The following FOXP2 variants were observed in gnomAD, a reference collection of about 807,000 sequenced individuals.
The protein encoded by FOXP2 is forkhead box P2.
FOXP2 carries 12 observed loss-of-function variants against 115.8 expected under a neutral mutation model. That is an observed-to-expected ratio of 0.10 (90% CI 0.07 to 0.17). The LOEUF is 0.17. Ranked by LOEUF, FOXP2 falls within the 10% of genes least tolerant of loss-of-function variation. FOXP2 has a pLI of 1.00. For missense variants in FOXP2, 629 were observed against 843.5 expected, an observed-to-expected ratio of 0.75 and a Z score of 3.15; for synonymous variants, 328 against 297.7, an observed-to-expected ratio of 1.10 and a Z score of -1.05.
intron 1 of FOXP2, among the ~76,000 whole-genome samples, chr7:114,168,688 T>C (rs545556293): frequency 9.8e-5 from 15 of 152,310 alleles, no homozygotes; most frequent in Admixed American, 4.6e-4. Context: ...CAAATTTGCA[T>C]ACATAATGAG....
At chr7:114,409,869 G>C (rs975649077), upstream of FOXP2, among the ~76,000 whole-genome samples, 2 of 151,794 alleles carry the variant, frequency 1.3e-5, no homozygotes, top group Admixed American at 1.3e-4. Flanking sequence ...ATACAATTTG[G>C]GCTTCTCCTT....
chr7:114,532,555 C>T (rs2129276231), intron 2 of FOXP2, among the ~76,000 whole-genome samples: 1 of 151,968 alleles, frequency 6.6e-6, no homozygotes, highest in African/African-American at 2.4e-5. Flanking sequence ...AACAAAGCAA[C>T]TGACTATTCT....
upstream of FOXP2, among the ~76,000 whole-genome samples, chr7:114,413,491 A>G (rs75759248): frequency 0.014 from 2,166 of 152,260 alleles, 137 homozygotes; most frequent in East Asian, 0.13. Context: ...AAAAACCAAT[A>G]TAAACATACT....
intron 1 of FOXP2, among the ~76,000 whole-genome samples, chr7:114,156,858 A>C (rs1305841882): frequency 6.6e-6 from 1 of 152,138 alleles, no homozygotes; most frequent in Non-Finnish European, 1.5e-5. Context: ...TTCATGAAAA[A>C]CAATCTTAAA....
intron 3 of FOXP2, among the ~76,000 whole-genome samples, chr7:114,595,148 A>T (rs748871028): frequency 6.6e-6 from 1 of 152,052 alleles, no homozygotes; most frequent in Non-Finnish European, 1.5e-5. Context: ...ACATGACCTA[A>T]TTGGTCATTC....
intron 1 of FOXP2, among the ~76,000 whole-genome samples, chr7:114,222,998 C>G (rs1012021398): frequency 5.3e-5 from 8 of 152,130 alleles, no homozygotes; most frequent in African/African-American, 2.4e-5. Flanking sequence ...ATTTACTTAT[C>G]TATTTTATTG....
chr7:114,467,495 C>T (rs1202926374), intron 2 of FOXP2, among the ~76,000 whole-genome samples: 1 of 152,032 alleles, frequency 6.6e-6, no homozygotes, highest in African/African-American at 2.4e-5. Flanking sequence ...CCTGAATGAG[C>T]CAAACAAAGT....
intron 2 of FOXP2, among the ~76,000 whole-genome samples, chr7:114,501,589 T>C (rs1348366875): frequency 6.6e-6 from 1 of 152,108 alleles, no homozygotes; most frequent in Non-Finnish European, 1.5e-5. Flanking sequence ...AAGTGTATCA[T>C]GAAAAGGTGT....
chr7:114,405,716 G>A (rs1793020071), intron 2 of FOXP2, among the ~76,000 whole-genome samples: 1 of 151,772 alleles, frequency 6.6e-6, no homozygotes, highest in East Asian at 1.9e-4. Context: ...ATTTAAGGTT[G>A]CTACTGTTAT....
Position 114,548,173 on chromosome 7 carries a change from T to G in FOXP2, c.258+13467T>G, listed in dbSNP as rs570098136. Among the ~76,000 whole-genome samples the G allele has an allele frequency of 2.6e-4, 40 of 152,308 alleles. 1 individual carries two copies. The East Asian group carries it at 5.8e-3, about 22-fold the overall frequency. ...CATGTTTTAGGCAAAAAGAAGGGAA[T>G]GACAAAACAGAAAGGGCAAAATAAA... is the stretch of plus-strand genomic sequence containing the variant. On this transcript the variant is annotated intron_variant, in intron 3 of 16. Transcript: ENST00000350908.
chr7:114,202,257 A>G (rs1794086772), intron 1 of FOXP2, among the ~76,000 whole-genome samples: 1 of 152,128 alleles, frequency 6.6e-6, no homozygotes, highest in Admixed American at 6.5e-5. Context: ...CCTTCTCCTC[A>G]TTTCTCCCTT....
chr7:114,494,525 A>G (rs983004539), intron 2 of FOXP2, among the ~76,000 whole-genome samples: 1 of 152,132 alleles, frequency 6.6e-6, no homozygotes, highest in Non-Finnish European at 1.5e-5. Context: ...AGCACCCAAG[A>G]AAACTGTGGA....
At chr7:114,576,380 C>T (rs986395279) in intron 3 of FOXP2, among the ~76,000 whole-genome samples, 3 of 151,510 alleles carry the variant, frequency 2.0e-5, no homozygotes, top group African/African-American at 7.3e-5. Flanking sequence ...TGCCCCTCAC[C>T]TTCTATTTCA....
chr7:114,300,556 C>T (rs1796854507), intron 2 of FOXP2, among the ~76,000 whole-genome samples: 1 of 151,990 alleles, frequency 6.6e-6, no homozygotes, highest in South Asian at 2.1e-4. Context: ...AGAAAAAGTT[C>T]TTATTCTCAA....
intron 1 of FOXP2, among the ~76,000 whole-genome samples, chr7:114,181,038 C>T (rs1339331025): frequency 1.3e-5 from 2 of 151,722 alleles, no homozygotes; most frequent in Non-Finnish European, 2.9e-5. Context: ...TTGTGCCTGT[C>T]TCTCTATCAT....
In FOXP2 at chr7:114,351,901, A is replaced by C. The variant is rs146397840; in HGVS notation, c.-11+63792A>C. 1.6e-4 allele frequency among the ~76,000 whole-genome samples: 24 copies of C among 152,250 alleles called. No individual in the cohort carries two copies. The East Asian group carries it at 4.3e-3, about 27-fold the overall frequency. On this transcript the variant is annotated intron_variant, in intron 2 of 17. Coordinates refer to the FOXP2 transcript ENST00000634411. ...ATATTATTCTAATATCAGATGTAGA[A>C]AGATGTGGTATAGTATGCACTAATT...
intron 2 of FOXP2, among the ~76,000 whole-genome samples, chr7:114,292,587 GT>G (rs1796634361): frequency 6.6e-6 from 1 of 151,954 alleles, no homozygotes; most frequent in South Asian, 2.1e-4. Context: ...CATTGTTTCT[GT>G]CCCATTCTTT....
intron 2 of FOXP2, among the ~76,000 whole-genome samples, chr7:114,449,670 C>G (rs548016221): frequency 6.6e-6 from 1 of 152,142 alleles, no homozygotes; most frequent in East Asian, 1.9e-4. Flanking sequence ...GTTTTAGTCC[C>G]TACTTTGCCA....
At chr7:114,427,573 T>G (rs1376381777) in intron 2 of FOXP2, among the ~76,000 whole-genome samples, 1 of 151,594 alleles carries the variant, frequency 6.6e-6, no homozygotes, top group Non-Finnish European at 1.5e-5. Flanking sequence ...ATATTATTTC[T>G]TTGTAACTCT....
Sources: allele counts gnomAD v4.1 joint callset (sites outside exome capture counted in the v4.1 genomes callset), GRCh38; gene constraint gnomAD v4.1.1; transcripts MANE v1.5; gene names NCBI Gene and HGNC (gene_info 2026-07-23, HGNC 2026-07-21).